The following EXOC6B variants were observed in gnomAD, a reference collection of about 807,000 sequenced individuals.
EXOC6B encodes the protein exocyst complex component 6B, also known as SEC15 homolog B.
A neutral mutation model predicts 113.5 loss-of-function variants in EXOC6B; 54 were observed. The observed-to-expected ratio is 0.48, with a 90% confidence interval of 0.38 to 0.60. The LOEUF (loss-of-function observed/expected upper bound fraction) is 0.60. Among genes scored for constraint, EXOC6B ranks in the 20% least tolerant of loss-of-function variants. EXOC6B has a pLI of 0.00. For missense variants in EXOC6B, 797 were observed against 977.5 expected, an observed-to-expected ratio of 0.82 and a Z score of 2.46; for synonymous variants, 357 against 339.0, an observed-to-expected ratio of 1.05 and a Z score of -0.58.
At chr2:72,632,776 G>A (rs775131185) in intron 6 of EXOC6B, among the ~76,000 whole-genome samples, 1 of 151,910 alleles carries the variant, frequency 6.6e-6, no homozygotes, top group Non-Finnish European at 1.5e-5. Context: ...TGACCTCCTG[G>A]GCTCAGGCAA....
intron 20 of EXOC6B, among the ~76,000 whole-genome samples, chr2:72,197,967 T>C (rs1160878842): frequency 1.3e-5 from 2 of 152,180 alleles, no homozygotes; most frequent in Non-Finnish European, 2.9e-5. Context: ...TGAAGCTGGA[T>C]AGGACACAGG....
intron 18 of EXOC6B, among the ~76,000 whole-genome samples, chr2:72,397,746 G>A (rs1177830699): frequency 6.6e-6 from 1 of 151,830 alleles, no homozygotes; most frequent in Non-Finnish European, 1.5e-5. Context: ...AAATTCAGTA[G>A]AATCTGAAAT....
intron 1 of EXOC6B, among the ~76,000 whole-genome samples, chr2:72,777,217 C>G (rs1683759177): frequency 6.6e-6 from 1 of 152,260 alleles, no homozygotes; most frequent in South Asian, 2.1e-4. Context: ...GCACTCCAGC[C>G]TGGGCAACAG....
At chr2:72,460,348 T>A (rs1008228641) in intron 18 of EXOC6B, among the ~76,000 whole-genome samples, 1 of 151,756 alleles carries the variant, frequency 6.6e-6, no homozygotes, top group Non-Finnish European at 1.5e-5. Flanking sequence ...AAAGACAAAA[T>A]TGACAAATGG....
chr2:72,819,503 C>T (rs1160891810), intron 1 of EXOC6B, among the ~76,000 whole-genome samples: 1 of 152,042 alleles, frequency 6.6e-6, no homozygotes, highest in Non-Finnish European at 1.5e-5. Context: ...TCTCCTCCTC[C>T]TTTCTCTGCT....
At chr2:72,269,037 C>A (rs1684316457) in intron 20 of EXOC6B, among the ~76,000 whole-genome samples, 1 of 152,084 alleles carries the variant, frequency 6.6e-6, no homozygotes, top group African/African-American at 2.4e-5. Flanking sequence ...AAGATAAATA[C>A]CAAATTCACA....
chr2:72,489,600 A>C (rs1315348506), intron 16 of EXOC6B, among the ~76,000 whole-genome samples: 1 of 152,222 alleles, frequency 6.6e-6, no homozygotes, highest in Non-Finnish European at 1.5e-5. Context: ...CCCATTTTAC[A>C]TAGAAAGCAA....
At chr2:72,560,514 T>C (rs1053488404) in intron 7 of EXOC6B, among the ~76,000 whole-genome samples, 5 of 151,804 alleles carry the variant, frequency 3.3e-5, no homozygotes, top group Non-Finnish European at 5.9e-5. Context: ...CCTTATTTCA[T>C]AAAGTAAACC....
intron 20 of EXOC6B, among the ~76,000 whole-genome samples, chr2:72,318,158 C>T (rs756191861): frequency 5.9e-5 from 9 of 152,112 alleles, no homozygotes; most frequent in Non-Finnish European, 1.0e-4. Context: ...TTTTCAGAGA[C>T]ATTATGAACA....
Position 72,511,128 on chromosome 2 carries a change from A to T in EXOC6B, c.1167+2004T>A, listed in dbSNP as rs564314908. Among the ~76,000 whole-genome samples, 14 of 152,268 alleles carry T rather than the reference A, an allele frequency of 9.2e-5. No individual in the cohort carries two copies. The East Asian group carries it at 1.3e-3, about 15-fold the overall frequency. Reference sequence around the variant, plus strand: ...ATATAAATATTTAAAAGTTCTGTATACTATAACAAAAACCATAAGCAAAAA... The same window carrying T: ...ATATAAATATTTAAAAGTTCTGTATTCTATAACAAAAACCATAAGCAAAAA... On this transcript the variant is annotated intron_variant, in intron 11 of 21. Transcript: ENST00000272427.
At chr2:72,583,912 G>A (rs1365655470) in intron 6 of EXOC6B, among the ~76,000 whole-genome samples, 2 of 151,910 alleles carry the variant, frequency 1.3e-5, no homozygotes, top group African/African-American at 4.8e-5. Flanking sequence ...AATAGAGATG[G>A]GGTTTCACCA....
At chr2:72,461,752 G>T (rs1239851301) in intron 18 of EXOC6B, 1 of 151,908 alleles carries the variant, frequency 6.6e-6, no homozygotes. Flanking sequence ...GGGTTTCTGA[G>T]GCATATTGAA....
At chr2:72,643,032 C>T (rs1213472574) in intron 6 of EXOC6B, among the ~76,000 whole-genome samples, 2 of 152,080 alleles carry the variant, frequency 1.3e-5, no homozygotes, top group East Asian at 1.9e-4. Flanking sequence ...TCACTGGCCA[C>T]CAGAGAAATG....
At chr2:72,407,955 T>C (rs1404655639) in intron 18 of EXOC6B, among the ~76,000 whole-genome samples, 4 of 152,264 alleles carry the variant, frequency 2.6e-5, no homozygotes, top group South Asian at 2.1e-4. Flanking sequence ...TGATTGTATA[T>C]CTAGAAAACC....
chr2:72,492,670 TTTTC>T (rs1699812373), intron 15 of EXOC6B, among the ~76,000 whole-genome samples: 1 of 151,854 alleles, frequency 6.6e-6, no homozygotes, highest in African/African-American at 2.4e-5. Flanking sequence ...GGCTGTTTTT[TTTTC>T]TTTATTTCTT....
intron 20 of EXOC6B, among the ~76,000 whole-genome samples, chr2:72,311,491 T>A (rs1687183034): frequency 6.6e-6 from 1 of 152,106 alleles, no homozygotes; most frequent in Non-Finnish European, 1.5e-5. Context: ...CTTTCCCCCT[T>A]CTTCTTCTAC....
At chr2:72,722,867 T>G (rs1454832068) in intron 5 of EXOC6B, among the ~76,000 whole-genome samples, 1 of 152,200 alleles carries the variant, frequency 6.6e-6, no homozygotes, top group Non-Finnish European at 1.5e-5. Context: ...GCACATTCAC[T>G]GATGAGACAC....
At chr2:72,736,078 A>AAGGCTG (rs1380019899) in intron 2 of EXOC6B, among the ~76,000 whole-genome samples, 25 of 151,840 alleles carry the variant, frequency 1.6e-4, no homozygotes, top group African/African-American at 6.0e-4. Context: ...AGCTACTTAG[A>AAGGCTG]AGGCTGAGGC....
intron 19 of EXOC6B, among the ~76,000 whole-genome samples, chr2:72,366,286 A>G (rs930740914): frequency 3.3e-5 from 5 of 152,070 alleles, no homozygotes; most frequent in African/African-American, 9.6e-5. Flanking sequence ...AAAGTAAAAA[A>G]AAAAACACCT....
Sources: gnomAD v4.1 joint callset for allele counts (sites outside exome capture counted in the v4.1 genomes callset) on GRCh38, gnomAD v4.1.1 for gene constraint, MANE v1.5 for transcripts, NCBI Gene and HGNC (gene_info 2026-07-23, HGNC 2026-07-21) for gene names.